SNTG2: variants seen among roughly 807,000 people sequenced by gnomAD.
SNTG2 encodes the protein gamma-2-syntrophin.
Under a neutral mutation model 70.9 loss-of-function variants are expected in SNTG2, and 74 were observed. The observed-to-expected ratio is 1.04, with a 90% confidence interval of 0.86 to 1.27. The LOEUF is 1.27. SNTG2 is among the 50% of genes most tolerant of loss of function. The pLI is 0.00. For synonymous variants in SNTG2, 278 were observed against 273.8 expected (o/e 1.02, Z -0.15); for missense variants, 717 against 690.7 (o/e 1.04, Z -0.43).
chr2:972,851 CTT>C (rs1660787419), intron 1 of SNTG2, among the ~76,000 whole-genome samples: 1 of 152,168 alleles, frequency 6.6e-6, no homozygotes, highest in Admixed American at 6.5e-5. Context: ...AGCCACTATG[CTT>C]CCTGTACAGC....
intron 8 of SNTG2, among the ~76,000 whole-genome samples, chr2:1,191,555 GGA>G (rs1449401885): frequency 6.6e-6 from 1 of 152,146 alleles, no homozygotes; most frequent in Admixed American, 6.5e-5. Flanking sequence ...CAGCACTTTG[GGA>G]GGCTGAGGTG....
chr2:1,367,522 A>G lies in SNTG2; in HGVS notation c.*48A>G. ...AAAAATTAAATTATTTTCGTAAGAAATGATTCTTTCCTGCAGAATATTGCA... is the reference window on the plus strand; with the variant it reads ...AAAAATTAAATTATTTTCGTAAGAAGTGATTCTTTCCTGCAGAATATTGCA... On this transcript the variant is annotated 3_prime_UTR_variant, in exon 17 of 17. Coordinates refer to ENST00000308624, the MANE Select transcript of SNTG2 (RefSeq NM_018968.4). 2 of 1,543,208 alleles carry G rather than the reference A, an allele frequency of 1.3e-6. No individual in the cohort carries two copies. Among genetic ancestry groups the G allele is most frequent in the Non-Finnish European group, 1.8e-6 (2 of 1,142,178 alleles).
At chr2:1,260,953 C>G (rs1052556291) in intron 13 of SNTG2, among the ~76,000 whole-genome samples, 50 of 151,910 alleles carry the variant, frequency 3.3e-4, no homozygotes, top group African/African-American at 1.2e-3. Flanking sequence ...ATATGTGGTT[C>G]ATTAGTAAGC....
At chr2:1,115,278 T>C (rs1472302141) in intron 4 of SNTG2, among the ~76,000 whole-genome samples, 1 of 152,074 alleles carries the variant, frequency 6.6e-6, no homozygotes, top group Non-Finnish European at 1.5e-5. Context: ...TTACAGTCCT[T>C]TGAGGAGGAT....
chr2:1,223,569 G>T (rs563551124), intron 9 of SNTG2, among the ~76,000 whole-genome samples: 12 of 152,154 alleles, frequency 7.9e-5, no homozygotes, highest in South Asian at 4.1e-4. Flanking sequence ...CAATTTCCTG[G>T]CACCCTCCCC....
intron 4 of SNTG2, among the ~76,000 whole-genome samples, chr2:1,110,216 C>T (rs890931355): frequency 6.6e-6 from 1 of 152,152 alleles, no homozygotes; most frequent in African/African-American, 2.4e-5. Context: ...AAGTCATGGC[C>T]TGGACACCTG....
At chr2:1,280,715 C>G (rs1679475367) in intron 14 of SNTG2, among the ~76,000 whole-genome samples, 1 of 152,220 alleles carries the variant, frequency 6.6e-6, no homozygotes, top group Non-Finnish European at 1.5e-5. Flanking sequence ...TTACGAATTA[C>G]AATAAATTCA....
chr2:1,233,175 C>A (rs769549788), intron 9 of SNTG2, among the ~76,000 whole-genome samples: 4 of 152,206 alleles, frequency 2.6e-5, no homozygotes, highest in South Asian at 4.1e-4. Flanking sequence ...GGCATTGAAG[C>A]TTTGACGAGC....
chr2:1,069,237 T>C (rs1280467652), intron 1 of SNTG2, among the ~76,000 whole-genome samples: 4 of 152,212 alleles, frequency 2.6e-5, no homozygotes, highest in Admixed American at 6.5e-5. Context: ...ACTGTGCTGC[T>C]TTGTTCTGAG....
chr2:1,096,628 A>G (rs1418084523), intron 2 of SNTG2, among the ~76,000 whole-genome samples: 1 of 152,198 alleles, frequency 6.6e-6, no homozygotes, highest in Non-Finnish European at 1.5e-5. Context: ...CTCCAGGCTC[A>G]TCCATGTTGC....
chr2:1,095,999 G>GC (rs947711235), intron 2 of SNTG2, among the ~76,000 whole-genome samples: 1 of 152,162 alleles, frequency 6.6e-6, no homozygotes, highest in Non-Finnish European at 1.5e-5. Flanking sequence ...TTTAGCGTCT[G>GC]CTGAGGGAGG....
rs184734900 is a variant in SNTG2, at chr2:1,066,432, C to T, written c.73-17086C>T. ...ATGCTGGCTGCAGGCGTTGAGTTCT[C>T]GGTGCGTCTCATCGACTTGCTGGGC... is the stretch of plus-strand genomic sequence containing the variant. On this transcript the variant is annotated intron_variant, in intron 1 of 16. Transcript: ENST00000308624. 5.3e-5 allele frequency among the ~76,000 whole-genome samples: 8 copies of T among 152,008 alleles called. No individual in the cohort carries two copies. The East Asian group carries it at 7.8e-4, about 15-fold the overall frequency.
chr2:977,511 C>T (rs1223850311), intron 1 of SNTG2, among the ~76,000 whole-genome samples: 1 of 152,192 alleles, frequency 6.6e-6, no homozygotes, highest in East Asian at 1.9e-4. Context: ...CTGCCTCCAC[C>T]CTGTTTTAAG....
chr2:1,152,197 G>C (rs1416286293), intron 6 of SNTG2, among the ~76,000 whole-genome samples: 2 of 152,194 alleles, frequency 1.3e-5, no homozygotes, highest in African/African-American at 4.8e-5. Context: ...CGAATTGTGT[G>C]AAGATGTAGG....
intron 1 of SNTG2, among the ~76,000 whole-genome samples, chr2:1,043,960 T>G (rs1474036410): frequency 7.2e-5 from 11 of 152,210 alleles, no homozygotes; most frequent in Non-Finnish European, 1.3e-4. Flanking sequence ...ATATTGGTAG[T>G]TTGATGGGAA....
chr2:952,672 A>G (rs914662974), intron 1 of SNTG2, among the ~76,000 whole-genome samples: 4 of 150,838 alleles, frequency 2.7e-5, no homozygotes, highest in Non-Finnish European at 3.0e-5. Context: ...CTTTTTTTTT[A>G]GCGTTGGAGG....
At chr2:1,078,518 C>T (rs1428461729) in intron 1 of SNTG2, among the ~76,000 whole-genome samples, 1 of 152,054 alleles carries the variant, frequency 6.6e-6, no homozygotes, top group Non-Finnish European at 1.5e-5. Flanking sequence ...GGATGGGCCC[C>T]AGGCAGGCAC....
intron 6 of SNTG2, 122 bp from the exon 7 acceptor site, chr2:1,165,426 T>G: frequency 2.1e-6 from 2 of 952,850 alleles, no homozygotes; most frequent in Non-Finnish European, 3.2e-6. Context: ...TTTTCCGTGT[T>G]TCAGAGGTAA....
At chr2:1,079,069 A>G (rs568522956) in intron 1 of SNTG2, among the ~76,000 whole-genome samples, 34 of 152,388 alleles carry the variant, frequency 2.2e-4, no homozygotes, top group African/African-American at 8.2e-4. Context: ...TGTCAAGGAA[A>G]TGTATTCAAT....
Sources: gnomAD v4.1 joint callset for allele counts (sites outside exome capture counted in the v4.1 genomes callset) on GRCh38, gnomAD v4.1.1 for gene constraint, MANE v1.5 for transcripts, NCBI Gene and HGNC (gene_info 2026-07-23, HGNC 2026-07-21) for gene names.